Variants in CTNNA3 observed in about 807,000 individuals in gnomAD.
CTNNA3 encodes catenin alpha 3.
In CTNNA3, 76 loss-of-function variants were observed where a neutral mutation model predicts 95.7. That is an observed-to-expected ratio of 0.79 (90% CI 0.66 to 0.96). The LOEUF (loss-of-function observed/expected upper bound fraction) is 0.96. CTNNA3 is among the 40% of genes least tolerant of loss of function. The pLI, the probability that CTNNA3 is intolerant of heterozygous loss-of-function variation, is 0.00. For missense variants in CTNNA3, 1,191 were observed against 1,089.8 expected (o/e 1.09, Z -1.31); for synonymous variants, 431 against 374.4 (o/e 1.15, Z -1.74).
At chr10:67,719,597 T>A (rs1326764044) in intron 1 of CTNNA3, among the ~76,000 whole-genome samples, 1 of 152,210 alleles carries the variant, frequency 6.6e-6, no homozygotes. Flanking sequence ...AGTTTCCATG[T>A]AGTTGAGCGG....
chr10:66,006,095 C>T (rs2078875319), intron 15 of CTNNA3, among the ~76,000 whole-genome samples: 1 of 149,438 alleles, frequency 6.7e-6, no homozygotes, highest in Non-Finnish European at 1.5e-5. Context: ...TCAGTGCAAG[C>T]TCTGCCTCCT....
At chr10:66,205,264 A>G (rs2131931359) in intron 13 of CTNNA3, among the ~76,000 whole-genome samples, 1 of 152,050 alleles carries the variant, frequency 6.6e-6, no homozygotes, top group East Asian at 1.9e-4. Context: ...GAAACAATGT[A>G]TGATGACACC....
At chr10:67,099,893 TA>T (rs1462940308) in intron 7 of CTNNA3, 2 of 151,778 alleles carry the variant, frequency 1.3e-5, no homozygotes, top group African/African-American at 2.4e-5. Context: ...TTTACGTCGT[TA>T]GCAAATTTAT....
chr10:67,502,968 G>C (rs766758701), intron 5 of CTNNA3, among the ~76,000 whole-genome samples: 2 of 152,150 alleles, frequency 1.3e-5, no homozygotes, highest in Admixed American at 6.5e-5. Flanking sequence ...CCTTTCCAGG[G>C]GAGCAAACAG....
At chr10:66,549,160 A>T (rs1311701559) in intron 10 of CTNNA3, among the ~76,000 whole-genome samples, 1 of 151,096 alleles carries the variant, frequency 6.6e-6, no homozygotes, top group Admixed American at 6.6e-5. Flanking sequence ...CGCCCAGCTA[A>T]TTTTTTGTAT....
intron 7 of CTNNA3, among the ~76,000 whole-genome samples, chr10:67,060,152 C>CA (rs1215359362): frequency 1.3e-5 from 2 of 151,916 alleles, no homozygotes; most frequent in East Asian, 1.9e-4. Context: ...CCCATCTCCA[C>CA]AAAAAAATAC....
At chr10:67,121,565 G>C (rs937806709) in intron 7 of CTNNA3, among the ~76,000 whole-genome samples, 4 of 152,018 alleles carry the variant, frequency 2.6e-5, no homozygotes, top group African/African-American at 9.7e-5. Context: ...TTAGTTGAAA[G>C]TATCATGTTT....
chr10:67,019,289 G>T (rs116118533), intron 7 of CTNNA3, among the ~76,000 whole-genome samples: 3,482 of 152,200 alleles, frequency 0.023, 160 homozygotes, highest in African/African-American at 0.08. Context: ...CGTTATCTTG[G>T]CTCACCACAA....
intron 7 of CTNNA3, among the ~76,000 whole-genome samples, chr10:66,886,078 C>A (rs982108989): frequency 6.6e-6 from 1 of 151,896 alleles, no homozygotes; most frequent in Non-Finnish European, 1.5e-5. Flanking sequence ...GTCCTTTTGC[C>A]AAGAACCAAA....
intron 2 of CTNNA3, among the ~76,000 whole-genome samples, chr10:67,638,648 T>C (rs963914432): frequency 1.3e-5 from 2 of 152,112 alleles, no homozygotes; most frequent in Non-Finnish European, 2.9e-5. Flanking sequence ...ACAGAAATCA[T>C]AACAAACTGT....
chr10:67,499,642 C>T (rs1194192000), intron 5 of CTNNA3, among the ~76,000 whole-genome samples: 1 of 152,140 alleles, frequency 6.6e-6, no homozygotes, highest in East Asian at 1.9e-4. Context: ...GATTCGACTT[C>T]TTCCTGGTTT....
At chr10:66,349,570 C>G (rs1164471107) in intron 12 of CTNNA3, among the ~76,000 whole-genome samples, 2 of 152,070 alleles carry the variant, frequency 1.3e-5, no homozygotes, top group African/African-American at 4.8e-5. Flanking sequence ...TTTCCAAAGC[C>G]ATTCACAAAT....
chr10:66,446,734 A>C (rs1314651381), intron 11 of CTNNA3, among the ~76,000 whole-genome samples: 1 of 152,176 alleles, frequency 6.6e-6, no homozygotes, highest in Non-Finnish European at 1.5e-5. Flanking sequence ...AATGGGCAAA[A>C]TCTGGAAGCA....
At chr10:67,693,478 C>G (rs999840236) in intron 1 of CTNNA3, among the ~76,000 whole-genome samples, 1 of 152,152 alleles carries the variant, frequency 6.6e-6, no homozygotes, top group Non-Finnish European at 1.5e-5. Context: ...TTGCCAACTT[C>G]TCTTCTTAAA....
intron 7 of CTNNA3, among the ~76,000 whole-genome samples, chr10:67,143,806 A>G (rs1860709885): frequency 6.6e-6 from 1 of 152,110 alleles, no homozygotes; most frequent in African/African-American, 2.4e-5. Context: ...CCTCAAAGTA[A>G]CTCATGAGGG....
chr10:67,368,454 T>C (rs1193705115), intron 5 of CTNNA3, among the ~76,000 whole-genome samples: 1 of 152,172 alleles, frequency 6.6e-6, no homozygotes, highest in African/African-American at 2.4e-5. Context: ...AGTTTGATGA[T>C]TTCTTAAAAG....
At chr10:66,453,933 A>C (rs2093479961) in intron 11 of CTNNA3, among the ~76,000 whole-genome samples, 1 of 152,174 alleles carries the variant, frequency 6.6e-6, no homozygotes, top group African/African-American at 2.4e-5. Context: ...CATGGCAAAA[A>C]TGGATTTGCA....
intron 11 of CTNNA3, among the ~76,000 whole-genome samples, chr10:66,412,952 A>G (rs2093119297): frequency 6.6e-6 from 1 of 152,204 alleles, no homozygotes; most frequent in East Asian, 1.9e-4. Context: ...TTAAGTATCC[A>G]AAAGAAAGAT....
intron 15 of CTNNA3, among the ~76,000 whole-genome samples, chr10:65,997,707 T>C (rs920986965): frequency 6.6e-6 from 1 of 152,132 alleles, no homozygotes; most frequent in African/African-American, 2.4e-5. Flanking sequence ...CCTCAATCTG[T>C]TTACTTGCTG....
Sources: allele counts gnomAD v4.1 joint callset (sites outside exome capture counted in the v4.1 genomes callset), GRCh38; gene constraint gnomAD v4.1.1; transcripts MANE v1.5; gene names NCBI Gene and HGNC (gene_info 2026-07-23, HGNC 2026-07-21).